CTNND2: variants seen among roughly 807,000 people sequenced by gnomAD.
CTNND2 encodes catenin delta 2.
Under a neutral mutation model 144.4 loss-of-function variants are expected in CTNND2, and 22 were observed. That is an observed-to-expected ratio of 0.15 (90% CI 0.11 to 0.22). The LOEUF (loss-of-function observed/expected upper bound fraction) is 0.22. Ranked by LOEUF, CTNND2 falls within the 10% of genes least tolerant of loss-of-function variation. CTNND2 has a pLI of 1.00. For synonymous variants in CTNND2, 751 were observed against 695.6 expected, an observed-to-expected ratio of 1.08 and a Z score of -1.25; for missense variants, 1,353 against 1,618.8, an observed-to-expected ratio of 0.84 and a Z score of 2.82.
chr5:11,262,698 G>C (rs575691861), intron 9 of CTNND2, among the ~76,000 whole-genome samples: 19 of 143,422 alleles, frequency 1.3e-4, no homozygotes, highest in Admixed American at 2.9e-4. Flanking sequence ...GGAGGCAGAG[G>C]TTGCAGTGAG....
Position 11,385,167 on chromosome 5 carries a change from C to T in CTNND2, c.675G>A (p.Pro225=), listed in dbSNP as rs1758949533. Residue 225 remains proline, a synonymous_variant, in exon 7 of 22, where the codon CCG becomes CCA. Transcript: ENST00000304623. ...GPEPAPPPPP[P]PREPFAPSLG... is the part of the protein sequence containing the mutation. ...GGCTGGGCGCGAACGGCTCCCGCGG[C>T]GGCGGCGGCGGCGGCGGCGCGGGCT... 2.9e-6 allele frequency: 3 copies of T among 1,017,890 alleles called. No individual in the cohort carries two copies. Among genetic ancestry groups the T allele is most frequent in the Non-Finnish European group, 3.5e-6 (3 of 853,584 alleles). 63.1% of individuals were successfully genotyped at this position (1,017,890 alleles called of 1,614,324 possible). A position where few individuals can be genotyped will look rare whatever the true frequency, so the allele number is the denominator to read the frequency against.
At chr5:11,844,628 T>G (rs370406840) in intron 1 of CTNND2, among the ~76,000 whole-genome samples, 167 of 152,288 alleles carry the variant, frequency 1.1e-3, no homozygotes, top group African/African-American at 3.9e-3. Context: ...GAACTCTAAT[T>G]ATAAAACTAA....
chr5:11,873,285 T>A (rs927221286), intron 1 of CTNND2, among the ~76,000 whole-genome samples: 1 of 152,188 alleles, frequency 6.6e-6, no homozygotes, highest in Non-Finnish European at 1.5e-5. Flanking sequence ...AAATTTAATA[T>A]AATGATATGA....
intron 2 of CTNND2, among the ~76,000 whole-genome samples, chr5:11,701,921 G>A (rs772586716): frequency 3.3e-5 from 5 of 152,128 alleles, no homozygotes; most frequent in South Asian, 2.1e-4. Flanking sequence ...TAAAGAGAAC[G>A]AATTCTGCAG....
intron 1 of CTNND2, among the ~76,000 whole-genome samples, chr5:11,876,727 ATTGT>A (rs765868645): frequency 2.6e-5 from 4 of 152,314 alleles, no homozygotes; most frequent in Non-Finnish European, 2.9e-5. Context: ...CAAAGCTAGC[ATTGT>A]TTAAGTTTAT....
intron 6 of CTNND2, among the ~76,000 whole-genome samples, chr5:11,386,866 C>T (rs935528490): frequency 5.3e-5 from 8 of 152,092 alleles, no homozygotes; most frequent in African/African-American, 1.2e-4. Flanking sequence ...GGATGGGTAA[C>T]GAACACTACA....
At chr5:11,451,293 A>G (rs1344910460) in intron 3 of CTNND2, among the ~76,000 whole-genome samples, 1 of 152,170 alleles carries the variant, frequency 6.6e-6, no homozygotes, top group Non-Finnish European at 1.5e-5. Flanking sequence ...GCTTCTAGGC[A>G]TCACATTACC....
intron 5 of CTNND2, 99 bp downstream of exon 5, chr5:11,411,437 C>T (rs745542735): frequency 7.4e-6 from 5 of 679,694 alleles, no homozygotes; most frequent in African/African-American, 5.5e-5. Context: ...ATCCTGAAAT[C>T]CTCATTTGAT....
intron 2 of CTNND2, among the ~76,000 whole-genome samples, chr5:11,634,799 T>C (rs545659271): frequency 6.6e-6 from 1 of 152,258 alleles, no homozygotes; most frequent in Admixed American, 6.5e-5. Context: ...GAAAACATGA[T>C]GCTAGAAAAT....
rs999749677 is a variant in CTNND2, at chr5:11,772,710, G to T, written c.38-40438C>A. Among the ~76,000 whole-genome samples, 4 of 152,168 alleles carry T rather than the reference G, an allele frequency of 2.6e-5. No individual in the cohort carries two copies. In the East Asian group the frequency reaches 7.7e-4, roughly 29 times the overall value. On this transcript the variant is annotated intron_variant, in intron 1 of 21. Transcript: ENST00000304623. ...ACTGAAGTTTTTGATCCAATTGAAT[G>T]TCACACAAAGCCCCACAGATACAAG...
chr5:11,822,447 A>G (rs146123815), intron 1 of CTNND2, among the ~76,000 whole-genome samples: 2 of 152,278 alleles, frequency 1.3e-5, no homozygotes, highest in Admixed American at 6.5e-5. Context: ...CAAACAATAC[A>G]TGGTATGTGT....
In CTNND2 at chr5:11,502,921, G is replaced by A. The variant is rs115851510; in HGVS notation, c.287+62023C>T. Among the ~76,000 whole-genome samples the A allele has an allele frequency of 5.3e-3, 803 of 152,290 alleles. 8 individuals are homozygous for A. Among genetic ancestry groups the A allele is most frequent in the African/African-American group, 0.019 (778 of 41,546 alleles). On this transcript the variant is annotated intron_variant, in intron 3 of 21. Coordinates refer to ENST00000304623, the MANE Select transcript of CTNND2 (RefSeq NM_001332.4). ...ACAATTAATGGAAATGTAAGTACATGTACAAGGATATGATTTGTATTCAAC... is the reference window on the plus strand; with the variant it reads ...ACAATTAATGGAAATGTAAGTACATATACAAGGATATGATTTGTATTCAAC...
At chr5:11,711,884 T>C (rs1896704) in intron 2 of CTNND2, among the ~76,000 whole-genome samples, 39,399 of 152,138 alleles carry the variant, frequency 0.26, 6,442 homozygotes, top group African/African-American at 0.47. Flanking sequence ...TTCTGGTAGG[T>C]GGGCAGATTA....
chr5:11,217,232 A>G (rs1739291255), intron 10 of CTNND2, among the ~76,000 whole-genome samples: 1 of 152,228 alleles, frequency 6.6e-6, no homozygotes, highest in Admixed American at 6.5e-5. Context: ...CAAGTAAGAA[A>G]TCGTTCATTA....
At chr5:11,376,160 G>A (rs1757911210) in intron 7 of CTNND2, among the ~76,000 whole-genome samples, 1 of 152,114 alleles carries the variant, frequency 6.6e-6, no homozygotes, top group Non-Finnish European at 1.5e-5. Context: ...CCAGAACTAG[G>A]AGAAATAAAT....
intron 16 of CTNND2, among the ~76,000 whole-genome samples, chr5:11,042,852 T>C (rs1312338554): frequency 1.3e-5 from 2 of 152,170 alleles, no homozygotes; most frequent in Non-Finnish European, 2.9e-5. Flanking sequence ...ACACATATAA[T>C]GGGGCCCTAA....
intron 1 of CTNND2, among the ~76,000 whole-genome samples, chr5:11,842,795 G>A (rs1235983424): frequency 6.6e-6 from 1 of 150,666 alleles, no homozygotes; most frequent in Non-Finnish European, 1.5e-5. Context: ...TTGGTGTGTT[G>A]GTTTAACTCA....
intron 3 of CTNND2, among the ~76,000 whole-genome samples, chr5:11,416,279 A>G (rs1479689134): frequency 6.6e-6 from 1 of 152,230 alleles, no homozygotes; most frequent in East Asian, 1.9e-4. Flanking sequence ...CACAACAGAA[A>G]AAAGAAGAAA....
intron 1 of CTNND2, among the ~76,000 whole-genome samples, chr5:11,881,069 C>G (rs1383862187): frequency 1.3e-5 from 2 of 149,732 alleles, no homozygotes; most frequent in African/African-American, 2.4e-5. Flanking sequence ...ACTACTACTA[C>G]TATTATCATT....
Sources: allele counts gnomAD v4.1 joint callset (sites outside exome capture counted in the v4.1 genomes callset), GRCh38; gene constraint gnomAD v4.1.1; transcripts MANE v1.5; gene names NCBI Gene and HGNC (gene_info 2026-07-23, HGNC 2026-07-21).